MPP7: variants seen among roughly 807,000 people sequenced by gnomAD.
The protein encoded by MPP7 is MAGUK p55 subfamily member 7.
A neutral mutation model predicts 76.5 loss-of-function variants in MPP7; 60 were observed. The ratio of observed to expected loss-of-function variants is 0.78; its 90% CI spans 0.64 to 0.97. The LOEUF is 0.97. Ranked by LOEUF, MPP7 falls within the 50% of genes least tolerant of loss-of-function variation. The pLI is 0.00. For synonymous variants in MPP7, 237 were observed against 244.5 expected, an observed-to-expected ratio of 0.97 and a Z score of 0.29; for missense variants, 641 against 694.0, an observed-to-expected ratio of 0.92 and a Z score of 0.86.
chr10:28,213,229 T>C lies in MPP7; in HGVS notation c.38-10958A>G, dbSNP rs78694600. On this transcript the variant is annotated intron_variant, in intron 2 of 16. Transcript: ENST00000683449. Reference sequence around the variant, plus strand: ...ACTTGGTTCAACAGAGAATTGATCCTTGTACGGGAAGTGGGGTAAAGAAGT... The same window carrying C: ...ACTTGGTTCAACAGAGAATTGATCCCTGTACGGGAAGTGGGGTAAAGAAGT... Among the ~76,000 whole-genome samples, 968 of 152,174 alleles carry C rather than the reference T, an allele frequency of 6.4e-3. 4 individuals carry two copies. Among genetic ancestry groups the C allele is most frequent in the Middle Eastern group, 0.014 (4 of 294 alleles).
intron 12 of MPP7, among the ~76,000 whole-genome samples, chr10:28,087,003 C>A (rs541603453): frequency 1.4e-3 from 210 of 152,266 alleles, no homozygotes; most frequent in African/African-American, 4.8e-3. Context: ...TTTGTCCCCC[C>A]AAATTGCGTG....
Position 28,059,728 on chromosome 10 carries a change from C to T in MPP7, c.1220G>A (p.Arg407Lys), listed in dbSNP as rs1851701555. The change falls in exon 14 of 17, where the codon AGA becomes AAA. Residue 407 changes from arginine to lysine, a missense_variant. By Grantham distance (26) the Arg-to-Lys change is conservative (BLOSUM62 2). Coordinates refer to ENST00000683449, the MANE Select transcript of MPP7 (RefSeq NM_001318170.2). ...GVTVPHTTRA[R>K]RSQESDGVEY... ...AACACCATCACTCTCCTGGCTTCTTCTTGCTCTGGTGGTATCTATGATTTA... is the reference window on the plus strand; with the variant it reads ...AACACCATCACTCTCCTGGCTTCTTTTTGCTCTGGTGGTATCTATGATTTA... The T allele has an allele frequency of 4.3e-6, 7 of 1,612,764 alleles. No homozygotes were observed. The highest frequency in any genetic ancestry group is 1.3e-5 in the African/African-American group (1 of 74,996).
intron 12 of MPP7, among the ~76,000 whole-genome samples, chr10:28,087,259 C>A (rs1216382457): frequency 6.6e-6 from 1 of 152,198 alleles, no homozygotes. Context: ...GTCAAAGCAG[C>A]ATGAGGCCCT....
intron 2 of MPP7, among the ~76,000 whole-genome samples, chr10:28,231,369 A>T (rs1838876852): frequency 6.6e-6 from 1 of 152,000 alleles, no homozygotes; most frequent in Admixed American, 6.5e-5. Context: ...ATATTTATAA[A>T]CAAAGTATTT....
chr10:28,324,385 G>T (rs2368310), intron 2 of MPP7, among the ~76,000 whole-genome samples: 48,142 of 151,984 alleles, frequency 0.32, 7,865 homozygotes, highest in East Asian at 0.43. Flanking sequence ...ATGATGTTTT[G>T]TTATAGAAGC....
At chr10:28,095,404 C>T (rs550906745) in intron 11 of MPP7, among the ~76,000 whole-genome samples, 2 of 152,082 alleles carry the variant, frequency 1.3e-5, no homozygotes, top group East Asian at 1.9e-4. Context: ...ATACTCCTAA[C>T]GGCAATTTTT....
intron 11 of MPP7, among the ~76,000 whole-genome samples, chr10:28,109,346 T>C (rs925002023): frequency 3.9e-5 from 6 of 152,056 alleles, no homozygotes; most frequent in Admixed American, 2.0e-4. Flanking sequence ...AAAGGTTATT[T>C]AGAAGTGTTG....
intron 2 of MPP7, among the ~76,000 whole-genome samples, chr10:28,205,863 G>A (rs1371510762): frequency 6.6e-6 from 1 of 152,172 alleles, no homozygotes; most frequent in Non-Finnish European, 1.5e-5. Context: ...AGAGCGTTGG[G>A]AGGTGGAGGC....
chr10:28,232,789 G>A (rs915804533), intron 2 of MPP7, among the ~76,000 whole-genome samples: 41 of 152,158 alleles, frequency 2.7e-4, no homozygotes, highest in Admixed American at 5.2e-4. Flanking sequence ...TTGTGACTGA[G>A]AAGAGATACA....
chr10:28,151,477 ATACTT>A (rs1020773752), intron 3 of MPP7, among the ~76,000 whole-genome samples: 14 of 152,232 alleles, frequency 9.2e-5, no homozygotes, highest in African/African-American at 3.4e-4. Flanking sequence ...GTATCACAGA[ATACTT>A]AACTTACCCT....
At chr10:28,297,694 G>A (rs1276704026) in intron 1 of MPP7, among the ~76,000 whole-genome samples, 2 of 152,030 alleles carry the variant, frequency 1.3e-5, no homozygotes, top group East Asian at 1.9e-4. Flanking sequence ...GCGAGACTCC[G>A]TCTCAAAAAA....
intron 1 of MPP7, among the ~76,000 whole-genome samples, chr10:28,292,467 C>T (rs1840944321): frequency 1.3e-5 from 2 of 151,236 alleles, no homozygotes; most frequent in African/African-American, 4.9e-5. Context: ...AAAAAAAAAT[C>T]TGACCTCCAT....
intron 2 of MPP7, among the ~76,000 whole-genome samples, chr10:28,214,867 G>A (rs1838257294): frequency 6.6e-6 from 1 of 152,092 alleles, no homozygotes; most frequent in African/African-American, 2.4e-5. Context: ...ACAGTGTAGG[G>A]GTCATGCAGC....
At chr10:28,300,675 G>A (rs1258924330) in intron 1 of MPP7, among the ~76,000 whole-genome samples, 1 of 152,074 alleles carries the variant, frequency 6.6e-6, no homozygotes, top group African/African-American at 2.4e-5. Flanking sequence ...ATTCAGGCTG[G>A]GTGCAATGGC....
rs1220907991 is a variant in MPP7 at position 28,053,459 on chromosome 10, T to C, written c.*606A>G. The C allele has an allele frequency of 6.6e-6, 1 of 152,250 alleles. No homozygotes were observed. The highest frequency in any genetic ancestry group is 1.5e-5 in the Non-Finnish European group (1 of 68,046). 9.4% of individuals were successfully genotyped at this position (152,250 alleles called of 1,614,324 possible). A position where few individuals can be genotyped will look rare whatever the true frequency, so the allele number is the denominator to read the frequency against. ...CTCAAAAGGACTTCTCAAGCTATAT[T>C]ATGAAGGCCATTCACTCAAGGTAAA... On this transcript the variant is annotated 3_prime_UTR_variant, in exon 17 of 17. Coordinates refer to ENST00000683449, the MANE Select transcript of MPP7 (RefSeq NM_001318170.2).
chr10:28,056,722 G>C (rs1276562538), intron 15 of MPP7, 99 bp from the exon 16 acceptor site: 2 of 999,084 alleles, frequency 2.0e-6, no homozygotes, highest in Non-Finnish European at 2.8e-6. Flanking sequence ...TATTCTTTAA[G>C]GTCAGTAGTC....
At chr10:28,171,689 T>C (rs893831523) in intron 3 of MPP7, among the ~76,000 whole-genome samples, 5 of 152,226 alleles carry the variant, frequency 3.3e-5, no homozygotes, top group African/African-American at 9.6e-5. Flanking sequence ...TTCTAGTATA[T>C]TGCAGAATCC....
intron 2 of MPP7, among the ~76,000 whole-genome samples, chr10:28,209,028 C>T (rs1228159059): frequency 6.6e-6 from 1 of 152,082 alleles, no homozygotes; most frequent in Non-Finnish European, 1.5e-5. Flanking sequence ...TTTGCCCCTA[C>T]TTTCACCATC....
intron 13 of MPP7, among the ~76,000 whole-genome samples, chr10:28,069,343 G>T (rs866018290): frequency 2.0e-5 from 3 of 152,090 alleles, no homozygotes. Context: ...GATGGTTCAC[G>T]CCTGTAATCC....
Sources: allele counts gnomAD v4.1 joint callset (sites outside exome capture counted in the v4.1 genomes callset), GRCh38; gene constraint gnomAD v4.1.1; transcripts MANE v1.5; gene names NCBI Gene and HGNC (gene_info 2026-07-23, HGNC 2026-07-21).